Variants in ELAPOR2 observed in about 807,000 individuals in gnomAD.
The protein encoded by ELAPOR2 is endosome/lysosome-associated apoptosis and autophagy regulator family member 2.
ELAPOR2 carries 89 observed loss-of-function variants against 120.7 expected under a neutral mutation model. That is an observed-to-expected ratio of 0.74 (90% confidence interval 0.62 to 0.88). ELAPOR2 has a LOEUF of 0.88. Ranked by LOEUF, ELAPOR2 falls within the 40% of genes least tolerant of loss-of-function variation. ELAPOR2 has a pLI of 0.00. For missense variants in ELAPOR2, 1,134 were observed against 1,251.6 expected, an observed-to-expected ratio of 0.91 and a Z score of 1.42; for synonymous variants, 444 against 444.9, an observed-to-expected ratio of 1.00 and a Z score of 0.03.
intron 18 of ELAPOR2, among the ~76,000 whole-genome samples, chr7:86,906,439 G>A (rs1166157118): frequency 6.6e-6 from 1 of 152,104 alleles, no homozygotes; most frequent in Non-Finnish European, 1.5e-5. Context: ...TTGGTGAAAA[G>A]AGAATGTCAG....
chr7:86,934,644 C>T (rs967900224), intron 8 of ELAPOR2, among the ~76,000 whole-genome samples: 1 of 152,008 alleles, frequency 6.6e-6, no homozygotes, highest in Non-Finnish European at 1.5e-5. Context: ...CTTCTAAGCC[C>T]ACTCTATGAT....
chr7:86,946,449 C>T (rs575477522), intron 3 of ELAPOR2, among the ~76,000 whole-genome samples: 93 of 152,268 alleles, frequency 6.1e-4, no homozygotes, highest in African/African-American at 2.2e-3. Context: ...TGCAATGGTG[C>T]GATCTCAGCT....
At chr7:86,969,899 C>G (rs1792047808) in intron 1 of ELAPOR2, among the ~76,000 whole-genome samples, 2 of 152,122 alleles carry the variant, frequency 1.3e-5, no homozygotes, top group African/African-American at 2.4e-5. Flanking sequence ...GGAGAAGACC[C>G]TGAAATATGG....
At chr7:86,971,650 A>C (rs1481382607) in intron 1 of ELAPOR2, among the ~76,000 whole-genome samples, 1 of 152,006 alleles carries the variant, frequency 6.6e-6, no homozygotes. Context: ...TAAAGAGAGC[A>C]GAGTAAAGGA....
chr7:86,907,764 TAGA>T lies in ELAPOR2; in HGVS notation c.2461_2463del (p.Ser821del), dbSNP rs770167573. 1 of 1,553,302 alleles carries T rather than the reference TAGA, an allele frequency of 6.4e-7. No individual in the cohort carries two copies. The highest frequency in any genetic ancestry group is 8.6e-7 in the Non-Finnish European group (1 of 1,157,138). ...CCATTAATACAAGATGTTGTTGCTG[TAGA>T]AGACCTATTGTAAGCCAAATAACAT... On this transcript the variant is annotated inframe_deletion, in exon 18 of 22. Coordinates refer to ENST00000450689, the MANE Select transcript of ELAPOR2 (RefSeq NM_001142749.3).
At chr7:87,047,829 T>C (rs1263086205) in intron 1 of ELAPOR2, among the ~76,000 whole-genome samples, 3 of 152,200 alleles carry the variant, frequency 2.0e-5, no homozygotes, top group Admixed American at 1.3e-4. Context: ...GGTTATGGAC[T>C]CAAAAGAAAG....
intron 1 of ELAPOR2, among the ~76,000 whole-genome samples, chr7:87,049,459 T>G (rs908096987): frequency 2.6e-5 from 4 of 152,044 alleles, no homozygotes; most frequent in Non-Finnish European, 5.9e-5. Flanking sequence ...TTTTTTGTAT[T>G]TTTTTGTAGA....
chr7:87,052,635 C>T (rs2129018023), intron 1 of ELAPOR2, among the ~76,000 whole-genome samples: 1 of 152,288 alleles, frequency 6.6e-6, no homozygotes, highest in South Asian at 2.1e-4. Context: ...GTCCTAGGAG[C>T]TCACTTTGTG....
intron 2 of ELAPOR2, among the ~76,000 whole-genome samples, chr7:86,949,268 T>G (rs867287927): frequency 6.6e-6 from 1 of 152,222 alleles, no homozygotes; most frequent in Non-Finnish European, 1.5e-5. Flanking sequence ...TCTATGACAC[T>G]GAGTGAGTTA....
Position 87,033,637 on chromosome 7 carries a change from G to A in ELAPOR2, c.189+25688C>T, listed in dbSNP as rs886487410. ...TTTCCAAATAAATGGGCGAACTTAAGAGAATCCAAAAAAAATTTTTAACTT... is the reference window on the plus strand; with the variant it reads ...TTTCCAAATAAATGGGCGAACTTAAAAGAATCCAAAAAAAATTTTTAACTT... On this transcript the variant is annotated intron_variant, in intron 1 of 21. Coordinates refer to ENST00000450689, the MANE Select transcript of ELAPOR2 (RefSeq NM_001142749.3). Among the ~76,000 whole-genome samples the A allele has an allele frequency of 4.6e-5, 7 of 151,718 alleles. No individual in the cohort carries two copies. In the South Asian group the frequency reaches 1.5e-3, roughly 31 times the overall value.
At chr7:86,987,093 G>A (rs999523604) in intron 1 of ELAPOR2, among the ~76,000 whole-genome samples, 3 of 151,828 alleles carry the variant, frequency 2.0e-5, no homozygotes, top group Non-Finnish European at 4.4e-5. Flanking sequence ...CAAGAAATGG[G>A]GAAAGGATTT....
At chr7:86,925,383 G>A in intron 10 of ELAPOR2, 145 bp downstream of exon 10, 1 of 735,142 alleles carries the variant, frequency 1.4e-6, no homozygotes, top group South Asian at 1.9e-5. Context: ...CTATTTTTAT[G>A]GTACAACCAG....
chr7:86,884,855 C>G lies in ELAPOR2; in HGVS notation c.3031-4325G>C, dbSNP rs1337056819. On this transcript the variant is annotated intron_variant, in intron 21 of 21. Coordinates refer to ENST00000450689, the MANE Select transcript of ELAPOR2 (RefSeq NM_001142749.3). Reference sequence around the variant, plus strand: ...GGTGGGCCATTTTTGGGCTCAACACCTCTTGCAATCTATCATGCAAATTTT... The same window carrying G: ...GGTGGGCCATTTTTGGGCTCAACACGTCTTGCAATCTATCATGCAAATTTT... Among the ~76,000 whole-genome samples, 4 of 152,270 alleles carry G rather than the reference C, an allele frequency of 2.6e-5. No individual in the cohort carries two copies. The South Asian group carries it at 8.3e-4, about 32-fold the overall frequency.
intron 19 of ELAPOR2, among the ~76,000 whole-genome samples, chr7:86,895,135 A>G (rs1375850808): frequency 6.6e-6 from 1 of 152,124 alleles, no homozygotes; most frequent in East Asian, 1.9e-4. Context: ...AAATATACCC[A>G]TTGCAATATT....
At chr7:86,938,736 T>C in intron 7 of ELAPOR2, 72 bp downstream of exon 7, 1 of 1,530,792 alleles carries the variant, frequency 6.5e-7, no homozygotes, top group Middle Eastern at 1.7e-4. Flanking sequence ...TATGGGTGAC[T>C]TCTGGTTTAT....
chr7:86,890,580 T>C (rs1326594360), intron 21 of ELAPOR2, among the ~76,000 whole-genome samples: 2 of 152,036 alleles, frequency 1.3e-5, no homozygotes, highest in African/African-American at 4.8e-5. Context: ...ATTACTCTGC[T>C]AGCACTACTC....
At chr7:87,026,284 TG>T (rs1348108695) in intron 1 of ELAPOR2, among the ~76,000 whole-genome samples, 1 of 152,118 alleles carries the variant, frequency 6.6e-6, no homozygotes, top group Non-Finnish European at 1.5e-5. Flanking sequence ...ATGTTTAATA[TG>T]GTTAGTATGG....
At chr7:86,975,793 G>A (rs1048180760) in intron 1 of ELAPOR2, among the ~76,000 whole-genome samples, 4 of 152,232 alleles carry the variant, frequency 2.6e-5, no homozygotes, top group Non-Finnish European at 5.9e-5. Flanking sequence ...TAAACAGCAG[G>A]TAGTCTGAAT....
At chr7:87,012,856 C>G (rs1015803942) in intron 1 of ELAPOR2, among the ~76,000 whole-genome samples, 1 of 152,170 alleles carries the variant, frequency 6.6e-6, no homozygotes, top group African/African-American at 2.4e-5. Flanking sequence ...CAGCCTGCCA[C>G]TGCTGTGTGA....
Sources: allele counts gnomAD v4.1 joint callset (sites outside exome capture counted in the v4.1 genomes callset), GRCh38; gene constraint gnomAD v4.1.1; transcripts MANE v1.5; gene names NCBI Gene and HGNC (gene_info 2026-07-23, HGNC 2026-07-21).